The following LYPD6 variants were observed in gnomAD, a reference collection of about 807,000 sequenced individuals.
The protein encoded by LYPD6 is ly6/PLAUR domain-containing protein 6.
A neutral mutation model predicts 22.7 loss-of-function variants in LYPD6; 15 were observed. That is an observed-to-expected ratio of 0.66 (90% confidence interval 0.44 to 1.02). The LOEUF is 1.02. Ranked by LOEUF, LYPD6 falls within the 50% of genes least tolerant of loss-of-function variation. LYPD6 has a pLI of 0.00. For synonymous variants in LYPD6, 72 were observed against 77.5 expected (o/e 0.93, Z 0.37); for missense variants, 189 against 208.4 (o/e 0.91, Z 0.57).
intron 1 of LYPD6, among the ~76,000 whole-genome samples, chr2:149,380,312 A>G (rs891964898): frequency 1.8e-4 from 27 of 152,256 alleles, no homozygotes; most frequent in African/African-American, 6.3e-4. Context: ...CGAAGATAAG[A>G]CATAACTTAT....
chr2:149,388,766 C>G (rs1682244149), intron 1 of LYPD6, among the ~76,000 whole-genome samples: 1 of 152,106 alleles, frequency 6.6e-6, no homozygotes, highest in African/African-American at 2.4e-5. Context: ...GTTGGAATAT[C>G]TTTTCCTCTT....
rs1683461367 is a variant in LYPD6, at chr2:149,437,605, G to A, written c.-71-33G>A. ...AAGCCTCCTGTGGCTTTCTCCAGTCGATCACTGAGATGATTCTTTCTTCAT... is the reference window on the plus strand; with the variant it reads ...AAGCCTCCTGTGGCTTTCTCCAGTCAATCACTGAGATGATTCTTTCTTCAT... On this transcript the variant is annotated intron_variant, in intron 1 of 4. Transcript: ENST00000334166. 6 of 1,555,000 alleles carry A rather than the reference G, an allele frequency of 3.9e-6. 1 individual carries two copies. Among genetic ancestry groups the A allele is most frequent in the South Asian group, 3.5e-5 (3 of 84,526 alleles).
chr2:149,400,705 T>C (rs1682535992), intron 1 of LYPD6, among the ~76,000 whole-genome samples: 1 of 152,240 alleles, frequency 6.6e-6, no homozygotes, highest in African/African-American at 2.4e-5. Flanking sequence ...ATTTATGTTT[T>C]GATAAGAGTG....
At chr2:149,431,752 A>G (rs747631804) in intron 1 of LYPD6, among the ~76,000 whole-genome samples, 3 of 152,172 alleles carry the variant, frequency 2.0e-5, no homozygotes, top group Non-Finnish European at 4.4e-5. Flanking sequence ...ATCTGTTTAT[A>G]AAAAATAATG....
At chr2:149,378,900 G>A (rs1681996862) in intron 1 of LYPD6, among the ~76,000 whole-genome samples, 1 of 152,166 alleles carries the variant, frequency 6.6e-6, no homozygotes, top group Admixed American at 6.5e-5. Context: ...TTTAGCCAAG[G>A]TCCTTGACCG....
chr2:149,475,786 A>C (rs1376381451), downstream of LYPD6, among the ~76,000 whole-genome samples: 3 of 152,168 alleles, frequency 2.0e-5, no homozygotes, highest in African/African-American at 4.8e-5. Flanking sequence ...GCAGTTTTAT[A>C]TACCTTGCTT....
chr2:149,461,503 A>T (rs897079582), intron 3 of LYPD6, among the ~76,000 whole-genome samples: 1 of 151,986 alleles, frequency 6.6e-6, no homozygotes, highest in African/African-American at 2.4e-5. Flanking sequence ...CTTCCAGAAA[A>T]TGGAAGAGAA....
chr2:149,445,134 G>A (rs1035642262), intron 2 of LYPD6, among the ~76,000 whole-genome samples: 4 of 151,738 alleles, frequency 2.6e-5, no homozygotes, highest in Admixed American at 1.3e-4. Context: ...GTGACCAGCT[G>A]TATTGCCAAT....
chr2:149,424,833 C>T (rs989794944), intron 1 of LYPD6, among the ~76,000 whole-genome samples: 1 of 152,160 alleles, frequency 6.6e-6, no homozygotes, highest in Non-Finnish European at 1.5e-5. Context: ...ACTTCCCCTT[C>T]TACCCAGAAC....
chr2:149,346,513 G>A (rs1681258986), intron 1 of LYPD6, among the ~76,000 whole-genome samples: 1 of 152,076 alleles, frequency 6.6e-6, no homozygotes, highest in Admixed American at 6.5e-5. Context: ...TTTTATGGAT[G>A]GAGGATTTCC....
intron 1 of LYPD6, among the ~76,000 whole-genome samples, chr2:149,424,205 C>T (rs893996999): frequency 7.9e-5 from 12 of 152,102 alleles, no homozygotes; most frequent in Non-Finnish European, 1.2e-4. Context: ...ATCAACAAAT[C>T]GCTATCAGAG....
chr2:149,483,237 A>G, the LYPD6 span, among the ~76,000 whole-genome samples: 5 of 152,196 alleles, frequency 3.3e-5, no homozygotes, highest in East Asian at 9.7e-4. Flanking sequence ...CGATAAGAAA[A>G]CCTTTGACCA....
chr2:149,368,126 A>G (rs1681721686), intron 1 of LYPD6: 1 of 152,254 alleles, frequency 6.6e-6, no homozygotes, highest in Non-Finnish European at 1.5e-5. Context: ...GTGTGAGCAC[A>G]GAGGCTGTAA....
chr2:149,421,977 G>C (rs1559146550), intron 1 of LYPD6, among the ~76,000 whole-genome samples: 1 of 152,116 alleles, frequency 6.6e-6, no homozygotes, highest in Non-Finnish European at 1.5e-5. Flanking sequence ...TAGAAAGTCT[G>C]ACAGGTGGTG....
chr2:149,422,514 C>T (rs1434209280), intron 1 of LYPD6, among the ~76,000 whole-genome samples: 2 of 152,116 alleles, frequency 1.3e-5, no homozygotes, highest in African/African-American at 4.8e-5. Context: ...GTGTGGCTGC[C>T]ACACCCATTT....
intron 1 of LYPD6, among the ~76,000 whole-genome samples, chr2:149,337,683 A>G (rs896802289): frequency 3.3e-5 from 5 of 152,142 alleles, no homozygotes; most frequent in African/African-American, 1.2e-4. Context: ...GGTTTGTTAG[A>G]TAGGTAAATT....
At chr2:149,377,426 A>T (rs1446296140) in intron 1 of LYPD6, among the ~76,000 whole-genome samples, 1 of 152,150 alleles carries the variant, frequency 6.6e-6, no homozygotes, top group Non-Finnish European at 1.5e-5. Context: ...CTTCTCCCAG[A>T]TGTAGGCTCT....
chr2:149,402,350 A>G (rs1029894310), intron 1 of LYPD6, among the ~76,000 whole-genome samples: 42 of 152,112 alleles, frequency 2.8e-4, no homozygotes, highest in African/African-American at 9.7e-4. Context: ...GTAAACATGC[A>G]TGTGCAAATA....
intron 4 of LYPD6, among the ~76,000 whole-genome samples, chr2:149,470,388 G>A (rs532753643): frequency 5.9e-5 from 9 of 152,244 alleles, no homozygotes; most frequent in East Asian, 1.9e-4. Flanking sequence ...TTTTAAGGGC[G>A]AAAGAACTGA....
Sources: gnomAD v4.1 joint callset for allele counts (sites outside exome capture counted in the v4.1 genomes callset) on GRCh38, gnomAD v4.1.1 for gene constraint, MANE v1.5 for transcripts, NCBI Gene and HGNC (gene_info 2026-07-23, HGNC 2026-07-21) for gene names.